Variants in RALGDS observed in about 807,000 individuals in gnomAD.
RALGDS encodes ral guanine nucleotide dissociation stimulator, also known as ral guanine nucleotide exchange factor.
In RALGDS, 44 loss-of-function variants were observed where a neutral mutation model predicts 99.8. The ratio of observed to expected loss-of-function variants is 0.44; its 90% CI spans 0.35 to 0.57. RALGDS has a LOEUF of 0.57. Among genes scored for constraint, RALGDS ranks in the 20% least tolerant of loss-of-function variants. The pLI, the probability that RALGDS is intolerant of heterozygous loss-of-function variation, is 0.01. For synonymous variants in RALGDS, 529 were observed against 505.0 expected, an observed-to-expected ratio of 1.05 and a Z score of -0.64; for missense variants, 1,022 against 1,203.1, an observed-to-expected ratio of 0.85 and a Z score of 2.23.
intron 1 of RALGDS, among the ~76,000 whole-genome samples, chr9:133,120,428 A>ACCCCCCCCCCCCCCCCCCCC (rs71378548): frequency 1.7e-4 from 10 of 59,996 alleles, no homozygotes; most frequent in Non-Finnish European, 2.3e-4. Flanking sequence ...CCATCCCCCG[A>ACCCCCCCCCCCCCCCCCCCC]CCCCCCCCCC....
chr9:133,140,513 G>GC (rs1359409246), intron 1 of RALGDS, among the ~76,000 whole-genome samples: 13 of 152,140 alleles, frequency 8.5e-5, no homozygotes, highest in African/African-American at 3.1e-4. Context: ...CTTCCCATGG[G>GC]AGCCCTTTCT....
intron 1 of RALGDS, among the ~76,000 whole-genome samples, chr9:133,140,544 G>A (rs1218679341): frequency 6.6e-6 from 1 of 152,158 alleles, no homozygotes; most frequent in Admixed American, 6.5e-5. Flanking sequence ...CTAGAAAGAG[G>A]GAAGGACTGG....
chr9:133,107,396 T>C, intron 6 of RALGDS, 96 bp from the exon 7 acceptor site: 1 of 1,139,940 alleles, frequency 8.8e-7, no homozygotes, highest in South Asian at 1.3e-5. Flanking sequence ...TGGGGATCTC[T>C]GGGTTTTATC....
At chr9:133,111,630 T>C (rs615477) in intron 2 of RALGDS, among the ~76,000 whole-genome samples, 128,607 of 152,206 alleles carry the variant, frequency 0.84, 54,389 homozygotes, top group Middle Eastern at 0.9. Context: ...GGCCCCACAG[T>C]CATGAGGAGC....
chr9:133,136,076 C>A (rs2119260852), upstream of RALGDS, among the ~76,000 whole-genome samples: 1 of 152,214 alleles, frequency 6.6e-6, no homozygotes, highest in Non-Finnish European at 1.5e-5. Context: ...CACAGCCAGA[C>A]CACGCGAATT....
In RALGDS at chr9:133,098,363, G is replaced by A. The variant is rs1830594488; in HGVS notation, c.*224C>T. On this transcript the variant is annotated 3_prime_UTR_variant, in exon 18 of 18. Coordinates refer to ENST00000372050, the MANE Select transcript of RALGDS (RefSeq NM_006266.4). ...CTTGGCAAAAGTCAGCTAGTCCTCTGGTTCCAGAGAGCAGAAGGCACCTAA... is the reference window on the plus strand; with the variant it reads ...CTTGGCAAAAGTCAGCTAGTCCTCTAGTTCCAGAGAGCAGAAGGCACCTAA... 1 of 581,888 alleles carries A rather than the reference G, an allele frequency of 1.7e-6. No homozygotes were observed. The highest frequency in any genetic ancestry group is 3.1e-6 in the Non-Finnish European group (1 of 326,006). 36.0% of individuals were successfully genotyped at this position (581,888 alleles called of 1,614,324 possible). A position where few individuals can be genotyped will look rare whatever the true frequency, so the allele number is the denominator to read the frequency against.
intron 1 of RALGDS, among the ~76,000 whole-genome samples, chr9:133,137,157 C>T (rs1029782000): frequency 3.3e-5 from 5 of 151,758 alleles, no homozygotes; most frequent in African/African-American, 7.3e-5. Context: ...CACTTGAACC[C>T]GGGAGGTAAA....
At chr9:133,119,253 C>A (rs533083350) in intron 1 of RALGDS, among the ~76,000 whole-genome samples, 2 of 152,184 alleles carry the variant, frequency 1.3e-5, no homozygotes, top group African/African-American at 2.4e-5. Flanking sequence ...CACATAGACA[C>A]CAGGAAACCA....
intron 1 of RALGDS, among the ~76,000 whole-genome samples, chr9:133,113,561 C>G (rs915836582): frequency 3.3e-5 from 5 of 152,234 alleles, no homozygotes; most frequent in Non-Finnish European, 5.9e-5. Flanking sequence ...ACCCACACCC[C>G]ACAAACAGCC....
At position 133,128,887 on chromosome 9, in the gene RALGDS, T is replaced by A. The variant is rs532203836; in HGVS notation, c.132+2065A>T. The stretch of plus-strand genomic sequence containing the variant: ...AGGACAGCCCGCAGCCACCCTGGAC[T>A]GACCCGTGGGGCTGGGGGCAGCTGG... On this transcript the variant is annotated intron_variant, in intron 1 of 17. Coordinates refer to the RALGDS transcript ENST00000372062. 2.0e-5 allele frequency among the ~76,000 whole-genome samples: 3 copies of A among 152,308 alleles called. No homozygotes were observed. The East Asian group carries it at 5.8e-4, about 29-fold the overall frequency.
chr9:133,100,351 A>G lies in RALGDS; in HGVS notation c.2486T>C (p.Ile829Thr). The G allele has an allele frequency of 1.2e-6, 2 of 1,614,126 alleles. No homozygotes were observed. Among genetic ancestry groups the G allele is most frequent in the East Asian group, 2.2e-5 (1 of 44,878 alleles). ...VTSQDKAPAV[I>T]RKAMDKHNLE... ...GTTGTGTTTGTCCATGGCCTTGCGG[A>G]TTACAGCCGGAGCCTTATCTTGGCT... The change falls in exon 17 of 18, where the codon ATC becomes ACC. Residue 829 changes from isoleucine to threonine, a missense_variant. Ile to Thr is a moderately conservative substitution (Grantham distance 89, BLOSUM62 -1). Around this residue, in one of 3 missense-constraint regions of RALGDS, gnomAD observed 825 missense variants for 994.5 expected, o/e 0.83. Coordinates refer to ENST00000372050, the MANE Select transcript of RALGDS (RefSeq NM_006266.4).
At chr9:133,136,806 G>A (rs1480387674) in intron 1 of RALGDS, among the ~76,000 whole-genome samples, 1 of 151,666 alleles carries the variant, frequency 6.6e-6, no homozygotes, top group African/African-American at 2.4e-5. Context: ...GCATGGTGGT[G>A]CGTGCCTGTA....
chr9:133,109,401 C>T (rs569685573), intron 4 of RALGDS, among the ~76,000 whole-genome samples: 58 of 152,240 alleles, frequency 3.8e-4, no homozygotes, highest in African/African-American at 1.4e-3. Flanking sequence ...GAGTTCCCGC[C>T]GGGGGCTGCC....
intron 1 of RALGDS, among the ~76,000 whole-genome samples, chr9:133,143,050 C>T (rs561290581): frequency 6.6e-6 from 1 of 152,342 alleles, no homozygotes; most frequent in Non-Finnish European, 1.5e-5. Context: ...TGAGCAGATA[C>T]AAGGGACACT....
At position 133,120,475 on chromosome 9, in the gene RALGDS, A is replaced by G. The variant is rs983255344; in HGVS notation, c.183+497T>C. Reference sequence around the variant, plus strand: ...AGCAGCCCCGATGTCCCTGGTCACCAGATCCACATCTGCCCCAAGTAGGGT... The same window carrying G: ...AGCAGCCCCGATGTCCCTGGTCACCGGATCCACATCTGCCCCAAGTAGGGT... On this transcript the variant is annotated intron_variant, in intron 1 of 17. Transcript: ENST00000372050. Among the ~76,000 whole-genome samples the G allele has an allele frequency of 7.8e-5, 8 of 102,026 alleles. No homozygotes were observed. In the East Asian group the frequency reaches 2.7e-3, roughly 35 times the overall value. 66.9% of individuals were successfully genotyped at this position (102,026 alleles called of 152,430 possible).
intron 1 of RALGDS, among the ~76,000 whole-genome samples, chr9:133,116,246 C>T (rs540222647): frequency 9.2e-5 from 14 of 152,362 alleles, no homozygotes; most frequent in Admixed American, 6.5e-4. Flanking sequence ...AGGAGGCCAG[C>T]CCGGGGTGTG....
upstream of RALGDS, chr9:133,131,263 G>T: frequency 3.9e-5 from 8 of 203,742 alleles, no homozygotes; most frequent in East Asian, 2.4e-4. Flanking sequence ...ACTCTCAGGG[G>T]ATGTGGGTGG....
At chr9:133,121,548 G>T (rs1237180165), upstream of RALGDS, among the ~76,000 whole-genome samples, 1 of 152,202 alleles carries the variant, frequency 6.6e-6, no homozygotes, top group Non-Finnish European at 1.5e-5. Flanking sequence ...GTGTCACGCT[G>T]CTGCAGTGCG....
At chr9:133,108,985 T>C in intron 4 of RALGDS, 119 bp from the exon 5 acceptor site, 1 of 1,032,318 alleles carries the variant, frequency 9.7e-7, no homozygotes, top group South Asian at 1.4e-5. Flanking sequence ...CCCCCTTGGC[T>C]GTCCAGCTAA....
Sources: gnomAD v4.1 joint callset for allele counts (sites outside exome capture counted in the v4.1 genomes callset) on GRCh38, gnomAD v4.1.1 for gene constraint, gnomAD v4.1.1 regional missense constraint, MANE v1.5 for transcripts, NCBI Gene and HGNC (gene_info 2026-07-23, HGNC 2026-07-21) for gene names.